Variants in KCNG2 observed in about 807,000 individuals in gnomAD.
KCNG2 encodes potassium voltage-gated channel modifier subfamily G member 2.
Under a neutral mutation model 12.3 loss-of-function variants are expected in KCNG2, and 7 were observed. The observed-to-expected ratio is 0.57, with a 90% CI of 0.32 to 1.07. The LOEUF is 1.07. Ranked by LOEUF, KCNG2 falls within the 50% of genes least tolerant of loss-of-function variation. KCNG2 has a pLI of 0.04. For missense variants in KCNG2, 703 were observed against 726.0 expected, an observed-to-expected ratio of 0.97 and a Z score of 0.36; for synonymous variants, 414 against 351.4, an observed-to-expected ratio of 1.18 and a Z score of -1.99.
rs865781015 is a variant in KCNG2, at chr18:79,797,972, G to A, written c.-157G>A. ...GCGCTCCGCCCCGAGGAGGCCGCCG[G>A]CCGGGTAAGCGGAGCCCGGAGCTCG... On this transcript the variant is annotated 5_prime_UTR_variant, in exon 1 of 4. Coordinates refer to ENST00000316249, the MANE Select transcript of KCNG2 (RefSeq NM_012283.2). 6.6e-6 allele frequency among the ~76,000 whole-genome samples: 1 copy of A among 151,898 alleles called. No homozygotes were observed. Among genetic ancestry groups the A allele is most frequent in the African/African-American group, 2.4e-5 (1 of 41,470 alleles).
chr18:79,814,922 T>C (rs114217807), intron 1 of KCNG2, among the ~76,000 whole-genome samples: 3,405 of 151,760 alleles, frequency 0.022, 148 homozygotes, highest in African/African-American at 0.077. Context: ...TTTTTTTTTT[T>C]TTACGATGAA....
intron 3 of KCNG2, among the ~76,000 whole-genome samples, chr18:79,883,713 G>T (rs545580435): frequency 6.6e-6 from 1 of 152,218 alleles, no homozygotes; most frequent in Non-Finnish European, 1.5e-5. Context: ...TCTGGTAAAG[G>T]TGAGGATGTG....
intron 1 of KCNG2, among the ~76,000 whole-genome samples, chr18:79,823,949 T>G (rs1433102758): frequency 6.6e-6 from 1 of 152,246 alleles, no homozygotes. Context: ...ACATTCCTTG[T>G]GAAATTTGTT....
chr18:79,813,551 G>A (rs1018498531), intron 1 of KCNG2, among the ~76,000 whole-genome samples: 5 of 152,198 alleles, frequency 3.3e-5, no homozygotes, highest in Admixed American at 6.5e-5. Flanking sequence ...GTGGGGTAGC[G>A]TGGAGGGAGG....
intron 3 of KCNG2, among the ~76,000 whole-genome samples, chr18:79,879,333 T>C (rs975128952): frequency 3.3e-5 from 5 of 152,114 alleles, no homozygotes; most frequent in Admixed American, 3.3e-4. Context: ...AGCAGCAGTT[T>C]AGCGCCCCCG....
intron 3 of KCNG2, among the ~76,000 whole-genome samples, chr18:79,889,662 G>T (rs67798228): frequency 0.12 from 18,821 of 152,186 alleles, 1,509 homozygotes; most frequent in East Asian, 0.36. Context: ...TATATACGAG[G>T]TCCTGTCATT....
At chr18:79,843,136 C>T (rs1978514398) in intron 1 of KCNG2, among the ~76,000 whole-genome samples, 1 of 152,132 alleles carries the variant, frequency 6.6e-6, no homozygotes, top group Admixed American at 6.6e-5. Flanking sequence ...AAGGGAACTT[C>T]CCCATAAGAA....
rs890000739 is a variant in KCNG2 at position 79,884,586 on chromosome 18, C to T, written c.625-14454C>T. On this transcript the variant is annotated intron_variant, in intron 3 of 3. Transcript: ENST00000316249. This position sits in a 1 kb window ranked among gnomAD's most constrained non-coding sequence, Gnocchi z 5.5. The stretch of plus-strand genomic sequence containing the variant: ...TGGGCGTGGCAGCTCCCCAGGCCCA[C>T]GGGGCAGGAATTCTAGATTCTGGGA... Among the ~76,000 whole-genome samples the T allele has an allele frequency of 4.6e-5, 7 of 152,168 alleles. No homozygotes were observed. The highest frequency in any genetic ancestry group is 1.4e-4 in the African/African-American group (6 of 41,438).
At chr18:79,812,222 A>G (rs968650678) in intron 1 of KCNG2, among the ~76,000 whole-genome samples, 3 of 152,266 alleles carry the variant, frequency 2.0e-5, no homozygotes, top group Non-Finnish European at 4.4e-5. Flanking sequence ...CGAAACACAT[A>G]GAACTGAATG....
chr18:79,832,187 T>C (rs1978299810), intron 1 of KCNG2, among the ~76,000 whole-genome samples: 1 of 149,016 alleles, frequency 6.7e-6, no homozygotes, highest in African/African-American at 2.5e-5. Flanking sequence ...CACCTGCCCT[T>C]TCTCACCCCT....
intron 1 of KCNG2, among the ~76,000 whole-genome samples, chr18:79,826,290 A>T (rs536654): frequency 7.2e-5 from 11 of 152,210 alleles, no homozygotes; most frequent in Admixed American, 6.5e-5. Flanking sequence ...AGGCAGGCAG[A>T]GCTGCAGGGA....
At chr18:79,885,670 G>T (rs1215187921) in intron 3 of KCNG2, among the ~76,000 whole-genome samples, 1 of 152,246 alleles carries the variant, frequency 6.6e-6, no homozygotes, top group Non-Finnish European at 1.5e-5. Flanking sequence ...GGCCAGCCTG[G>T]CTTCAGTCCT....
At position 79,899,337 on chromosome 18, in the gene KCNG2, C is replaced by T; in HGVS notation, c.922C>T (p.Leu308=). ...VMRLARHSLG[L]RSLGLTMRRC... ...GCGCCTGGCGCGCCACTCGCTGGGG[C>T]TGCGTTCGCTGGGCCTGACCATGCG... Residue 308 remains leucine (L), a synonymous_variant, in exon 4 of 4, where the codon CTG becomes TTG. Transcript: ENST00000316249. The T allele has an allele frequency of 2.6e-6, 4 of 1,551,604 alleles. No homozygotes were observed. Among genetic ancestry groups the T allele is most frequent in the Non-Finnish European group, 3.5e-6 (4 of 1,157,300 alleles).
rs542036759 is a variant in KCNG2 at position 79,842,485 on chromosome 18, CAAAAT to C, written c.-114-13890_-114-13886del. ...AGGGAACATGACATCACCAAATACA[CAAAAT>C]AAAGCACCAATAATGAAACCTAAAG... On this transcript the variant is annotated intron_variant, in intron 1 of 3. Coordinates refer to ENST00000316249, the MANE Select transcript of KCNG2 (RefSeq NM_012283.2). 2.8e-3 allele frequency among the ~76,000 whole-genome samples: 430 copies of C among 152,266 alleles called. 3 individuals are homozygous for C. The highest frequency in any genetic ancestry group is 4.3e-3 in the Non-Finnish European group (292 of 68,030).
intron 1 of KCNG2, among the ~76,000 whole-genome samples, chr18:79,818,381 G>A (rs548395979): frequency 3.5e-4 from 54 of 152,324 alleles, no homozygotes; most frequent in African/African-American, 1.2e-3. Context: ...CGAGAGATGC[G>A]CCAGGGTCGA....
At chr18:79,842,096 C>G (rs1978477140) in intron 1 of KCNG2, among the ~76,000 whole-genome samples, 1 of 152,210 alleles carries the variant, frequency 6.6e-6, no homozygotes, top group Non-Finnish European at 1.5e-5. Flanking sequence ...CACCCTAGCT[C>G]CAGGCAAGTC....
chr18:79,889,062 T>G (rs927129378), intron 3 of KCNG2, among the ~76,000 whole-genome samples: 2 of 152,244 alleles, frequency 1.3e-5, no homozygotes, highest in Admixed American at 1.3e-4. Flanking sequence ...AAGTCCCTTA[T>G]CAAATATCTG....
intron 2 of KCNG2, among the ~76,000 whole-genome samples, chr18:79,863,014 G>T (rs1979279911): frequency 6.6e-6 from 1 of 152,218 alleles, no homozygotes; most frequent in African/African-American, 2.4e-5. Flanking sequence ...CACGGTTGGT[G>T]CAAGCTTTTG....
Position 79,800,586 on chromosome 18 carries a change from G to C in KCNG2, c.-115+2572G>C, listed in dbSNP as rs564180623. On this transcript the variant is annotated intron_variant, in intron 1 of 3. Transcript: ENST00000316249. This position sits in a 1 kb window ranked among gnomAD's most constrained non-coding sequence, Gnocchi z 4.0. The stretch of plus-strand genomic sequence containing the variant: ...GACGAGACATGTACCCCGCCTTCCC[G>C]TGTGGGAGGCACTCAGGGTCCTTGC... 6.6e-6 allele frequency among the ~76,000 whole-genome samples: 1 copy of C among 152,232 alleles called. No individual in the cohort carries two copies. The highest frequency in any genetic ancestry group is 1.5e-5 in the Non-Finnish European group (1 of 68,046).
Sources: gnomAD v4.1 joint callset for allele counts (sites outside exome capture counted in the v4.1 genomes callset) on GRCh38, gnomAD v4.1.1 for gene constraint, Gnocchi (gnomAD v3.1) non-coding constraint, MANE v1.5 for transcripts, NCBI Gene and HGNC (gene_info 2026-07-23, HGNC 2026-07-21) for gene names.